Variants in AKAP7 observed in about 807,000 individuals in gnomAD.
AKAP7 encodes A kinase (PRKA) anchor protein 7.
Under a neutral mutation model 39.5 loss-of-function variants are expected in AKAP7, and 39 were observed. That is an observed-to-expected ratio of 0.99 (90% CI 0.76 to 1.29). The LOEUF (loss-of-function observed/expected upper bound fraction) is 1.29. Ranked by LOEUF, AKAP7 falls within the 50% of genes most tolerant of loss-of-function variation. The pLI is 0.00. For missense variants in AKAP7, 414 were observed against 407.7 expected (o/e 1.02, Z -0.13); for synonymous variants, 140 against 139.1 (o/e 1.01, Z -0.05).
chr6:131,142,014 G>C (rs984766576), intron 1 of AKAP7, among the ~76,000 whole-genome samples: 4 of 149,758 alleles, frequency 2.7e-5, no homozygotes, highest in South Asian at 2.1e-4. Flanking sequence ...AGCTTCTGAT[G>C]ACCTACAATC....
At chr6:131,177,609 A>G (rs1027870695) in intron 5 of AKAP7, among the ~76,000 whole-genome samples, 3 of 152,208 alleles carry the variant, frequency 2.0e-5, no homozygotes, top group Non-Finnish European at 4.4e-5. Context: ...CATGTTAGGA[A>G]TCAAATTTCA....
At chr6:131,144,176 C>T (rs566897687) in intron 1 of AKAP7, among the ~76,000 whole-genome samples, 3 of 146,600 alleles carry the variant, frequency 2.0e-5, no homozygotes, top group East Asian at 4.0e-4. Context: ...CACACAGACC[C>T]GGCAACCATC....
intron 6 of AKAP7, among the ~76,000 whole-genome samples, chr6:131,200,575 C>T (rs1585073876): frequency 6.6e-6 from 1 of 152,036 alleles, no homozygotes; most frequent in African/African-American, 2.4e-5. Flanking sequence ...CCCTTTAAAT[C>T]ATGGGTTTGG....
intron 3 of AKAP7, among the ~76,000 whole-genome samples, chr6:131,162,188 GGGAAGGGGATTGAGA>G (rs1359548714): frequency 6.6e-6 from 1 of 152,174 alleles, no homozygotes; most frequent in Non-Finnish European, 1.5e-5. Context: ...AGGGAAGGTG[GGGAAGGGGATTGAGA>G]GGAAGGAAGA....
intron 5 of AKAP7, among the ~76,000 whole-genome samples, chr6:131,175,413 A>G (rs947553862): frequency 3.9e-5 from 6 of 152,240 alleles, no homozygotes; most frequent in African/African-American, 1.4e-4. Flanking sequence ...TAGATTTACA[A>G]GTTAAAAAAA....
At chr6:131,220,657 T>C in intron 7 of AKAP7, among the ~76,000 whole-genome samples, 1 of 152,236 alleles carries the variant, frequency 6.6e-6, no homozygotes, top group Non-Finnish European at 1.5e-5. Flanking sequence ...TATTTATTTA[T>C]TTTTAAGAAA....
intron 4 of AKAP7, among the ~76,000 whole-genome samples, chr6:131,167,541 T>C (rs1405638528): frequency 6.6e-6 from 1 of 152,174 alleles, no homozygotes; most frequent in Non-Finnish European, 1.5e-5. Context: ...TGAAGGAAAA[T>C]ACTGACTTAA....
At chr6:131,269,056 A>C (rs1186631936) in intron 7 of AKAP7, among the ~76,000 whole-genome samples, 1 of 152,152 alleles carries the variant, frequency 6.6e-6, no homozygotes, top group Non-Finnish European at 1.5e-5. Flanking sequence ...TGTTTGGAAT[A>C]CATACTACTT....
At chr6:131,229,410 G>A (rs962512829) in intron 7 of AKAP7, among the ~76,000 whole-genome samples, 1 of 152,130 alleles carries the variant, frequency 6.6e-6, no homozygotes, top group Non-Finnish European at 1.5e-5. Flanking sequence ...ATGCAGTGGC[G>A]TGATCTTGGC....
chr6:131,198,104 C>T (rs929878351), intron 5 of AKAP7, among the ~76,000 whole-genome samples: 1 of 152,112 alleles, frequency 6.6e-6, no homozygotes, highest in Non-Finnish European at 1.5e-5. Context: ...GGGTTTTAGA[C>T]CCTGGACCCC....
Position 131,282,332 on chromosome 6 carries a change from A to G in AKAP7, c.*606A>G, listed in dbSNP as rs1478219278. ...GGGCAACATTTTAAAGTTTTTTTAA[A>G]ATCCTATTTTGATAAGTCAGTATGC... On this transcript the variant is annotated 3_prime_UTR_variant, in exon 8 of 8. Coordinates refer to ENST00000431975, the MANE Select transcript of AKAP7 (RefSeq NM_016377.4). The G allele has an allele frequency of 3.7e-6, 5 of 1,360,904 alleles. No homozygotes were observed. The African/African-American group carries it at 4.4e-5, about 12-fold the overall frequency. The allele number at this position is 1,360,904 out of a possible 1,614,324, so 84.3% of individuals were successfully genotyped here.
intron 2 of AKAP7, among the ~76,000 whole-genome samples, chr6:131,150,966 A>G (rs890270414): frequency 1.3e-5 from 2 of 152,174 alleles, no homozygotes; most frequent in Admixed American, 6.6e-5. Context: ...TTTAAGAGAA[A>G]TATTTTATAA....
At chr6:131,158,055 A>G (rs1358866013) in intron 2 of AKAP7, among the ~76,000 whole-genome samples, 1 of 152,230 alleles carries the variant, frequency 6.6e-6, no homozygotes, top group African/African-American at 2.4e-5. Flanking sequence ...TTTCTTAGAA[A>G]TTAGCATTAA....
intron 7 of AKAP7, among the ~76,000 whole-genome samples, chr6:131,274,725 T>G (rs995741907): frequency 6.6e-6 from 1 of 152,072 alleles, no homozygotes; most frequent in South Asian, 2.1e-4. Context: ...TCTTTCCCCC[T>G]AAGCCATCCT....
At chr6:131,240,180 C>A (rs1466603731) in intron 7 of AKAP7, among the ~76,000 whole-genome samples, 5 of 152,174 alleles carry the variant, frequency 3.3e-5, no homozygotes, top group Non-Finnish European at 7.3e-5. Flanking sequence ...CACTCCAGAC[C>A]CTGTTTGCCT....
At position 131,219,670 on chromosome 6, in the gene AKAP7, A is replaced by G. The variant is rs1479363282; in HGVS notation, c.712A>G (p.Lys238Glu). 1 of 1,595,704 alleles carries G rather than the reference A, an allele frequency of 6.3e-7. No homozygotes were observed. Among genetic ancestry groups the G allele is most frequent in the Non-Finnish European group, 8.5e-7 (1 of 1,172,286 alleles). ...SPWLRKNGVK[K>E]IDPDLYEKFI... ...GTTTTTTCATTTCAAGGGAGTGAAAAAAATAGATCCTGATTTATATGAAAA... is the reference window on the plus strand; with the variant it reads ...GTTTTTTCATTTCAAGGGAGTGAAAGAAATAGATCCTGATTTATATGAAAA... The change falls in exon 7 of 8, where the codon AAA becomes GAA. Residue 238 changes from lysine (K) to glutamate (E), a missense_variant. Transcript: ENST00000431975.
chr6:131,159,298 T>G (rs1802716559), intron 2 of AKAP7, among the ~76,000 whole-genome samples: 1 of 151,968 alleles, frequency 6.6e-6, no homozygotes. Context: ...TTTCACCGTG[T>G]TAGCCAGGAT....
rs781181072 is a variant in AKAP7 at position 131,219,825 on chromosome 6, A to T, written c.850+17A>T. The T allele has an allele frequency of 4.1e-6, 6 of 1,448,298 alleles. No individual in the cohort carries two copies. Among genetic ancestry groups the T allele is most frequent in the Non-Finnish European group, 5.5e-6 (6 of 1,095,036 alleles). The allele number at this position is 1,448,298 out of a possible 1,614,324, so 89.7% of individuals were successfully genotyped here. On this transcript the variant is annotated intron_variant, in intron 7 of 7. Transcript: ENST00000431975. ...TTGTGATTGGTGAGTGTCATTTAAAAATTATTTATTATCTTTATTTTTAAT... is the reference window on the plus strand; with the variant it reads ...TTGTGATTGGTGAGTGTCATTTAAATATTATTTATTATCTTTATTTTTAAT...
intron 7 of AKAP7, among the ~76,000 whole-genome samples, chr6:131,235,304 T>A (rs1474405325): frequency 1.3e-5 from 2 of 152,252 alleles, no homozygotes; most frequent in African/African-American, 4.8e-5. Context: ...ATCCAGTCTA[T>A]CACTGTTGGA....
Sources: allele counts gnomAD v4.1 joint callset (sites outside exome capture counted in the v4.1 genomes callset), GRCh38; gene constraint gnomAD v4.1.1; transcripts MANE v1.5; gene names NCBI Gene and HGNC (gene_info 2026-07-23, HGNC 2026-07-21).